The following NMNAT1 variants were observed in gnomAD, a reference collection of about 807,000 sequenced individuals.
NMNAT1 encodes the protein nicotinamide nucleotide adenylyltransferase 1.
Under a neutral mutation model 16.7 loss-of-function variants are expected in NMNAT1, and 11 were observed. The ratio of observed to expected loss-of-function variants is 0.66; its 90% CI spans 0.41 to 1.09. The LOEUF is 1.09. Among genes scored for constraint, NMNAT1 ranks in the 50% least tolerant of loss-of-function variants. The pLI is 0.00. For synonymous variants in NMNAT1, 110 were observed against 119.8 expected (o/e 0.92, Z 0.53); for missense variants, 280 against 332.3 (o/e 0.84, Z 1.22).
At chr1:9,964,526 A>G (rs1320853839) in intron 1 of NMNAT1, among the ~76,000 whole-genome samples, 1 of 151,816 alleles carries the variant, frequency 6.6e-6, no homozygotes, top group Admixed American at 6.6e-5. Flanking sequence ...AGCCTGGGTG[A>G]CAGAACAAGA....
At chr1:9,977,033 A>G (rs572962223) in intron 3 of NMNAT1, among the ~76,000 whole-genome samples, 13 of 150,820 alleles carry the variant, frequency 8.6e-5, no homozygotes, top group African/African-American at 3.2e-4. Flanking sequence ...CAGCCTCCCA[A>G]GTAGCTGGGA....
At chr1:9,955,403 CAAAAAAAA>C (rs71583829) in intron 1 of NMNAT1, among the ~76,000 whole-genome samples, 1 of 90,822 alleles carries the variant, frequency 1.1e-5, no homozygotes, top group African/African-American at 4.5e-5. Flanking sequence ...GACTTTGTCT[CAAAAAAAA>C]AAAAAAAAAA....
chr1:9,947,149 C>A (rs769515826), intron 1 of NMNAT1, among the ~76,000 whole-genome samples: 8 of 152,148 alleles, frequency 5.3e-5, no homozygotes, highest in Non-Finnish European at 1.2e-4. Context: ...GTAAACTGAA[C>A]TCCTGATAGT....
At chr1:9,952,980 A>G (rs1487694787) in intron 1 of NMNAT1, among the ~76,000 whole-genome samples, 2 of 151,284 alleles carry the variant, frequency 1.3e-5, no homozygotes, top group African/African-American at 4.9e-5. Flanking sequence ...TATAGATTGT[A>G]TGCATGTTTT....
At chr1:9,958,248 T>C (rs1388908312) in intron 1 of NMNAT1, among the ~76,000 whole-genome samples, 1 of 152,168 alleles carries the variant, frequency 6.6e-6, no homozygotes, top group Non-Finnish European at 1.5e-5. Flanking sequence ...TACATTTAAC[T>C]ACAGAGATAA....
chr1:9,945,434 C>A (rs1391229679), intron 1 of NMNAT1, among the ~76,000 whole-genome samples: 1 of 152,134 alleles, frequency 6.6e-6, no homozygotes, highest in African/African-American at 2.4e-5. Context: ...GGTGTAGTGG[C>A]TCACACCTGT....
At position 9,953,137 on chromosome 1, in the gene NMNAT1, C is replaced by T. The variant is rs181405365; in HGVS notation, c.-57+9622C>T. Among the ~76,000 whole-genome samples the T allele has an allele frequency of 7.3e-3, 1,104 of 152,022 alleles. 7 individuals are homozygous for T. The highest frequency in any genetic ancestry group is 0.012 in the Non-Finnish European group (821 of 67,988). Reference sequence around the variant, plus strand: ...CTGGAACTACAGGTGCCCGCCACCACGCCTGGCTAATTTTTTTTGTATTTT... The same window carrying T: ...CTGGAACTACAGGTGCCCGCCACCATGCCTGGCTAATTTTTTTTGTATTTT... On this transcript the variant is annotated intron_variant, in intron 1 of 4. Transcript: ENST00000377205.
chr1:9,977,064 G>A (rs1641832102), intron 3 of NMNAT1, among the ~76,000 whole-genome samples: 1 of 151,192 alleles, frequency 6.6e-6, no homozygotes, highest in African/African-American at 2.4e-5. Flanking sequence ...CTGCCACCAC[G>A]CCCGGCTAAT....
chr1:9,950,600 C>G (rs763054675), intron 1 of NMNAT1: 1 of 152,254 alleles, frequency 6.6e-6, no homozygotes, highest in African/African-American at 2.4e-5. Context: ...ATCTGGCCTT[C>G]GACAGGTCAC....
the NMNAT1 span, among the ~76,000 whole-genome samples, chr1:9,990,603 C>T: frequency 7.4e-3 from 1,125 of 152,296 alleles, 17 homozygotes; most frequent in African/African-American, 0.026. Context: ...TGCCTATTGG[C>T]ATTGCATTCT....
chr1:9,972,851 C>A (rs535813621), intron 2 of NMNAT1, among the ~76,000 whole-genome samples: 1 of 152,212 alleles, frequency 6.6e-6, no homozygotes, highest in Non-Finnish European at 1.5e-5. Context: ...GTCCCAGCTA[C>A]TCAGGAGACT....
chr1:9,967,386 A>G (rs1457326002), intron 1 of NMNAT1: 1 of 154,064 alleles, frequency 6.5e-6, no homozygotes, highest in African/African-American at 2.4e-5. Context: ...ACTGGAGCAT[A>G]TTCTCAAGTA....
intron 1 of NMNAT1, among the ~76,000 whole-genome samples, chr1:9,953,952 C>T (rs532618182): frequency 2.0e-5 from 3 of 151,202 alleles, no homozygotes; most frequent in Admixed American, 6.6e-5. Flanking sequence ...ACTACAGGCA[C>T]GTGCCATCAT....
chr1:9,985,914 G>A (rs772030020), downstream of NMNAT1, among the ~76,000 whole-genome samples: 4 of 152,210 alleles, frequency 2.6e-5, no homozygotes, highest in Non-Finnish European at 4.4e-5. Flanking sequence ...CTCCCAAAGT[G>A]CTGGAATTAC....
intron 1 of NMNAT1, chr1:9,952,425 G>A (rs1299890127): frequency 6.6e-6 from 1 of 152,240 alleles, no homozygotes; most frequent in Non-Finnish European, 1.5e-5. Context: ...ATCCACTTCA[G>A]TGCCCGTGGC....
intron 1 of NMNAT1, among the ~76,000 whole-genome samples, chr1:9,963,530 C>A (rs752757439): frequency 6.6e-6 from 1 of 152,080 alleles, no homozygotes; most frequent in Non-Finnish European, 1.5e-5. Context: ...CTGCCTCAGC[C>A]TCCCGAGTAC....
downstream of NMNAT1, among the ~76,000 whole-genome samples, chr1:9,985,891 C>T (rs183832343): frequency 2.0e-5 from 3 of 152,220 alleles, no homozygotes; most frequent in Admixed American, 6.5e-5. Context: ...TCAAATGATC[C>T]GCCCACCTTG....
downstream of NMNAT1, among the ~76,000 whole-genome samples, chr1:9,985,673 G>A (rs1642036059): frequency 1.3e-5 from 2 of 152,080 alleles, no homozygotes; most frequent in Non-Finnish European, 2.9e-5. Context: ...GTGTGTGTGT[G>A]TTTGCTTCTG....
At chr1:9,976,917 T>C (rs552411476) in intron 3 of NMNAT1, among the ~76,000 whole-genome samples, 68 of 151,108 alleles carry the variant, frequency 4.5e-4, no homozygotes, top group Middle Eastern at 3.5e-3. Context: ...CTTTTCTTTT[T>C]TTTTTTGAGA....
Sources: gnomAD v4.1 joint callset for allele counts (sites outside exome capture counted in the v4.1 genomes callset) on GRCh38, gnomAD v4.1.1 for gene constraint, MANE v1.5 for transcripts, NCBI Gene and HGNC (gene_info 2026-07-23, HGNC 2026-07-21) for gene names.